The following ANKFN1 variants were observed in gnomAD, a reference collection of about 807,000 sequenced individuals.
The protein encoded by ANKFN1 is ankyrin repeat and fibronectin type III domain containing 1, also known as ankyrin repeat and fibronectin type-III domain-containing protein 1.
Under a neutral mutation model 108.7 loss-of-function variants are expected in ANKFN1, and 74 were observed. That is an observed-to-expected ratio of 0.68 (90% confidence interval 0.56 to 0.83). The LOEUF (loss-of-function observed/expected upper bound fraction) is 0.83, where lower values mean the gene tolerates loss of function less well. ANKFN1 is among the 40% of genes least tolerant of loss of function. The probability of loss-of-function intolerance (pLI) is 0.00; values close to 1 mark genes in which losing one functional copy is unlikely to be tolerated. For synonymous variants in ANKFN1, 547 were observed against 516.2 expected (o/e 1.06, Z -0.81); for missense variants, 1,505 against 1,382.3 (o/e 1.09, Z -1.41).
chr17:56,276,277 G>T (rs1477231870), intron 3 of ANKFN1, among the ~76,000 whole-genome samples: 1 of 152,134 alleles, frequency 6.6e-6, no homozygotes, highest in African/African-American at 2.4e-5. Context: ...TATTTGAGTT[G>T]GTTCCAAGTC....
chr17:56,372,875 G>T, intron 7 of ANKFN1, 35 bp downstream of exon 7: 2 of 1,576,468 alleles, frequency 1.3e-6, no homozygotes, highest in South Asian at 1.2e-5. Context: ...CATTTCACTA[G>T]ACTGAGCCTC....
chr17:56,126,810 T>G (rs146203767), intron 4 of ANKFN1, among the ~76,000 whole-genome samples: 1 of 152,226 alleles, frequency 6.6e-6, no homozygotes, highest in Non-Finnish European at 1.5e-5. Flanking sequence ...AGATTGGTCC[T>G]GATGAAAGCA....
At chr17:56,064,564 G>A (rs1050366512) in intron 4 of ANKFN1, among the ~76,000 whole-genome samples, 1 of 152,216 alleles carries the variant, frequency 6.6e-6, no homozygotes, top group Admixed American at 6.5e-5. Context: ...TTGAGACCAA[G>A]CCGTCCAGGC....
chr17:56,356,071 T>C (rs1420672319), intron 6 of ANKFN1, among the ~76,000 whole-genome samples: 1 of 152,154 alleles, frequency 6.6e-6, no homozygotes, highest in African/African-American at 2.4e-5. Context: ...ACTGGCTTCT[T>C]TCTGGATGTG....
intron 4 of ANKFN1, among the ~76,000 whole-genome samples, chr17:56,142,677 C>T (rs181223444): frequency 9.8e-4 from 149 of 152,286 alleles, no homozygotes; most frequent in Middle Eastern, 3.4e-3. Context: ...CATGCTGAAG[C>T]CTTCATTTCT....
intron 10 of ANKFN1, 126 bp from the exon 11 acceptor site, chr17:56,448,953 A>C: frequency 1.5e-6 from 1 of 666,930 alleles, no homozygotes; most frequent in Non-Finnish European, 2.6e-6. Context: ...CTTGCTCTGC[A>C]TGTGCGGGGT....
intron 1 of ANKFN1, among the ~76,000 whole-genome samples, chr17:56,188,716 C>G (rs1236611136): frequency 6.7e-6 from 1 of 150,142 alleles, no homozygotes; most frequent in African/African-American, 2.5e-5. Flanking sequence ...ATCTTTTGTG[C>G]TAATATTTGG....
At chr17:56,186,258 T>C (rs1236300117) in intron 1 of ANKFN1, among the ~76,000 whole-genome samples, 2 of 152,228 alleles carry the variant, frequency 1.3e-5, no homozygotes, top group Non-Finnish European at 2.9e-5. Context: ...CACATATGCT[T>C]TTTAGTCACC....
intron 1 of ANKFN1, among the ~76,000 whole-genome samples, chr17:56,171,423 C>T (rs1295005816): frequency 1.3e-5 from 2 of 152,116 alleles, no homozygotes; most frequent in Non-Finnish European, 2.9e-5. Context: ...CCCCAGGAGG[C>T]TCTCTGCAAA....
chr17:56,346,758 T>C (rs931383210), intron 4 of ANKFN1, among the ~76,000 whole-genome samples: 12 of 151,898 alleles, frequency 7.9e-5, no homozygotes, highest in Non-Finnish European at 1.8e-4. Context: ...TGAATCTTTA[T>C]GTGAAATTTT....
At chr17:56,289,047 C>A (rs955924247) in intron 3 of ANKFN1, among the ~76,000 whole-genome samples, 1 of 152,194 alleles carries the variant, frequency 6.6e-6, no homozygotes, top group African/African-American at 2.4e-5. Context: ...GAAACCCACT[C>A]AACCTCACCC....
At chr17:56,482,832 G>A (rs576424580) in intron 18 of ANKFN1, among the ~76,000 whole-genome samples, 4 of 152,062 alleles carry the variant, frequency 2.6e-5, no homozygotes, top group Non-Finnish European at 5.9e-5. Flanking sequence ...TATAAAAACC[G>A]ATGTTTTCAT....
chr17:56,418,529 A>G (rs2048306601), intron 8 of ANKFN1, among the ~76,000 whole-genome samples: 1 of 152,196 alleles, frequency 6.6e-6, no homozygotes, highest in African/African-American at 2.4e-5. Context: ...AGATCTTAAA[A>G]AGCTACAATA....
intron 14 of ANKFN1, among the ~76,000 whole-genome samples, chr17:56,463,253 A>G (rs1183138659): frequency 6.6e-6 from 1 of 152,204 alleles, no homozygotes; most frequent in African/African-American, 2.4e-5. Context: ...TCATAACACT[A>G]GGGCCTAGAA....
At chr17:56,379,672 G>A (rs2047041089) in intron 8 of ANKFN1, among the ~76,000 whole-genome samples, 1 of 152,146 alleles carries the variant, frequency 6.6e-6, no homozygotes, top group Admixed American at 6.5e-5. Context: ...TCCTCTTACA[G>A]TTGTATAGTA....
intron 3 of ANKFN1, among the ~76,000 whole-genome samples, chr17:56,263,046 G>A (rs938390369): frequency 6.6e-6 from 1 of 152,172 alleles, no homozygotes; most frequent in Non-Finnish European, 1.5e-5. Flanking sequence ...ACAGAGGCAC[G>A]AATATATGCT....
intron 4 of ANKFN1, among the ~76,000 whole-genome samples, chr17:56,066,524 G>A (rs1420910396): frequency 2.0e-5 from 3 of 152,040 alleles, no homozygotes; most frequent in Admixed American, 6.6e-5. Context: ...ACATATAATG[G>A]ATTAGATAAA....
chr17:56,282,773 C>T (rs1259068183), intron 3 of ANKFN1, among the ~76,000 whole-genome samples: 1 of 151,974 alleles, frequency 6.6e-6, no homozygotes, highest in Non-Finnish European at 1.5e-5. Flanking sequence ...CTACCTGTAC[C>T]TAAACTTTAA....
chr17:56,098,494 G>A (rs1905576947), intron 4 of ANKFN1, among the ~76,000 whole-genome samples: 1 of 151,792 alleles, frequency 6.6e-6, no homozygotes, highest in Admixed American at 6.6e-5. Flanking sequence ...GTTCTTCATA[G>A]CATTCATCAC....
Sources: allele counts gnomAD v4.1 joint callset (sites outside exome capture counted in the v4.1 genomes callset), GRCh38; gene constraint gnomAD v4.1.1; transcripts MANE v1.5; gene names NCBI Gene and HGNC (gene_info 2026-07-23, HGNC 2026-07-21).